Variants in KCTD19 observed in about 807,000 individuals in gnomAD.
The protein encoded by KCTD19 is BTB/POZ domain-containing protein KCTD19.
In KCTD19, 67 loss-of-function variants were observed where a neutral mutation model predicts 103.5. The ratio of observed to expected loss-of-function variants is 0.65; its 90% CI spans 0.53 to 0.79. The LOEUF (loss-of-function observed/expected upper bound fraction) is 0.79, where lower values mean the gene tolerates loss of function less well. KCTD19 is among the 30% of genes least tolerant of loss of function. KCTD19 has a pLI of 0.00. For synonymous variants in KCTD19, 439 were observed against 452.2 expected (o/e 0.97, Z 0.37); for missense variants, 980 against 1,136.1 (o/e 0.86, Z 1.98).
intron 2 of KCTD19, among the ~76,000 whole-genome samples, chr16:67,316,720 T>C (rs2037016964): frequency 6.6e-6 from 1 of 152,190 alleles, no homozygotes; most frequent in South Asian, 2.1e-4. Context: ...AGCTACAGGG[T>C]TCACTCCTGT....
At chr16:67,312,999 C>A (rs2036964488) in intron 2 of KCTD19, among the ~76,000 whole-genome samples, 1 of 152,180 alleles carries the variant, frequency 6.6e-6, no homozygotes, top group African/African-American at 2.4e-5. Context: ...TGGTCTCTGT[C>A]AACTCAACCA....
In KCTD19 at chr16:67,291,422, A is replaced by G. The variant is rs772010225; in HGVS notation, c.2452T>C (p.Phe818Leu). The G allele has an allele frequency of 6.2e-7, 1 of 1,614,188 alleles. No individual in the cohort carries two copies. Among genetic ancestry groups the G allele is most frequent in the South Asian group, 1.1e-5 (1 of 91,090 alleles). The change falls in exon 14 of 16, where the codon TTT becomes CTT. Residue 818 changes from phenylalanine (F) to leucine (L), a missense_variant. Transcript: ENST00000304372. Reference protein sequence around the residue: ...LSFSLSWEEMFYAQKCHCFLA... With the variant: ...LSFSLSWEEMLYAQKCHCFLA... Reference sequence around the variant, plus strand: ...AAGCAGTGACATTTCTGTGCATAAAACATCTCTTCCCAGGACAGAGAGAAA... The same window carrying G: ...AAGCAGTGACATTTCTGTGCATAAAGCATCTCTTCCCAGGACAGAGAGAAA...
rs571668629 is a variant in KCTD19 at position 67,289,695 on chromosome 16, G to A, written c.2668-13C>T. The A allele has an allele frequency of 5.0e-6, 8 of 1,588,290 alleles. No individual in the cohort carries two copies. In the South Asian group the frequency reaches 8.8e-5, roughly 18 times the overall value. ...AGGGCAGTGTAAGCTGGAAGGAAAG[G>A]CCAGTCTTATCCCTGATTTCCTGGC... On this transcript the variant is annotated splice_polypyrimidine_tract_variant and intron_variant, in intron 15 of 15. Coordinates refer to ENST00000304372, the MANE Select transcript of KCTD19 (RefSeq NM_001100915.3).
At chr16:67,309,096 T>C (rs1597397384) in intron 2 of KCTD19, among the ~76,000 whole-genome samples, 1 of 133,464 alleles carries the variant, frequency 7.5e-6, no homozygotes, top group Middle Eastern at 4.5e-3. Flanking sequence ...GCCACTGCAC[T>C]CAAGCCTAGG....
chr16:67,326,391 C>T (rs975322931), intron 1 of KCTD19, among the ~76,000 whole-genome samples: 2 of 152,078 alleles, frequency 1.3e-5, no homozygotes, highest in African/African-American at 4.8e-5. Flanking sequence ...CCTTCACACA[C>T]ACCCTCGCCT....
intron 2 of KCTD19, among the ~76,000 whole-genome samples, chr16:67,312,800 C>T (rs946260231): frequency 1.3e-5 from 2 of 152,176 alleles, no homozygotes; most frequent in African/African-American, 4.8e-5. Context: ...AGAGTTTGAA[C>T]ACCTCTAACA....
At chr16:67,314,830 T>TATATAGAGAGAGAGAGAG (rs1430877802) in intron 2 of KCTD19, among the ~76,000 whole-genome samples, 1 of 33,652 alleles carries the variant, frequency 3.0e-5, no homozygotes, top group African/African-American at 2.1e-4. Flanking sequence ...TATATATATA[T>TATATAGAGAGAGAGAGAG]AGAGAGAGAG....
chr16:67,303,107 T>TGGGGGGGGGGGCGGGGG lies in KCTD19; in HGVS notation c.643+38_643+39insCCCCCGCCCCCCCCCCC. 1 of 897,596 alleles carries TGGGGGGGGGGGCGGGGG rather than the reference T, an allele frequency of 1.1e-6. No homozygotes were observed. 55.6% of individuals were successfully genotyped at this position (897,596 alleles called of 1,614,324 possible). A position where few individuals can be genotyped will look rare whatever the true frequency, so the allele number is the denominator to read the frequency against. Reference sequence around the variant, plus strand: ...GATGGGGAGGGGTGAATGGGCCCTATCAGCCCGCCCCCCACCCCACCCCGG... The same window carrying TGGGGGGGGGGGCGGGGG: ...GATGGGGAGGGGTGAATGGGCCCTATGGGGGGGGGGGCGGGGGCAGCCCGCCCCCCACCCCACCCCGG... On this transcript the variant is annotated intron_variant, in intron 4 of 15. Transcript: ENST00000304372. The surrounding 1 kb of genome is among the most constrained non-coding windows in gnomAD (Gnocchi z 4.3).
Position 67,301,921 on chromosome 16 carries a change from C to T in KCTD19, c.645G>A (p.Val215=). ...AAATCTTCTGTGAGCGAAGAAAATT[C>T]ACTTGAAAAACAAAGGGGAACACAG... ...ECECSEFRFI[V]NFLRSQKILL... is the part of the protein sequence containing the mutation. The change falls in exon 5 of 16, where the codon GTG becomes GTA. Residue 215 remains valine, a splice_region_variant and synonymous_variant. Transcript: ENST00000304372. 1 of 1,613,890 alleles carries T rather than the reference C, an allele frequency of 6.2e-7. No homozygotes were observed. Among genetic ancestry groups the T allele is most frequent in the Non-Finnish European group, 8.5e-7 (1 of 1,179,880 alleles).
intron 12 of KCTD19, among the ~76,000 whole-genome samples, chr16:67,292,989 A>G (rs766099875): frequency 6.6e-6 from 1 of 152,048 alleles, no homozygotes; most frequent in Non-Finnish European, 1.5e-5. Context: ...AAGAACTCCA[A>G]GTGGCTTCGA....
rs778875473 is a variant in KCTD19 at position 67,291,852 on chromosome 16, T to C, written c.2219-15A>G. 6.4e-7 allele frequency: 1 copy of C among 1,558,370 alleles called. No individual in the cohort carries two copies. Among genetic ancestry groups the C allele is most frequent in the South Asian group, 1.2e-5 (1 of 83,038 alleles). On this transcript the variant is annotated splice_polypyrimidine_tract_variant and intron_variant, in intron 12 of 15. Coordinates refer to ENST00000304372, the MANE Select transcript of KCTD19 (RefSeq NM_001100915.3). The stretch of plus-strand genomic sequence containing the variant: ...GGCAGGGCTTTCTGTGAAAACAACA[T>C]AGGGAGGGGGCTCTCCTTTTAAAAA...
Position 67,320,616 on chromosome 16 carries a change from C to T in KCTD19, c.273G>A (p.Leu91=). The stretch of plus-strand genomic sequence containing the variant: ...GCAGCAAAGGCATCAGCTGCAAACC[C>T]AATGCTTGCTCATACAGCAAGTTCA... ...AELNLLYEQA[L]GLQLMPLLQT... is the part of the protein sequence containing the mutation. Residue 91 remains leucine, a synonymous_variant, in exon 2 of 16, where the codon TTG becomes TTA. Coordinates refer to ENST00000304372, the MANE Select transcript of KCTD19 (RefSeq NM_001100915.3). The surrounding 1 kb of genome is among the most constrained non-coding windows in gnomAD (Gnocchi z 4.0). The T allele has an allele frequency of 6.2e-7, 1 of 1,614,138 alleles. No individual in the cohort carries two copies. Among genetic ancestry groups the T allele is most frequent in the Non-Finnish European group, 8.5e-7 (1 of 1,180,014 alleles).
chr16:67,311,702 A>G (rs774353451), intron 2 of KCTD19, among the ~76,000 whole-genome samples: 13 of 152,072 alleles, frequency 8.5e-5, no homozygotes, highest in Non-Finnish European at 1.9e-4. Context: ...GCTGAACTTC[A>G]AAGTGTGTGT....
rs190654124 is a variant in KCTD19 at position 67,293,448 on chromosome 16, G to C, written c.2218+96C>G. The C allele has an allele frequency of 2.1e-3, 2,839 of 1,379,250 alleles. 6 individuals carry two copies. The highest frequency in any genetic ancestry group is 2.5e-3 in the Non-Finnish European group (2,526 of 1,000,626). The allele number at this position is 1,379,250 out of a possible 1,614,324, so 85.4% of individuals were successfully genotyped here. ...TGGCATTGGTGAGCGGGGGGGTCTAGTCCTCCTTTGTCACTAACTTGCTCT... is the reference window on the plus strand; with the variant it reads ...TGGCATTGGTGAGCGGGGGGGTCTACTCCTCCTTTGTCACTAACTTGCTCT... On this transcript the variant is annotated intron_variant, in intron 12 of 15. Transcript: ENST00000304372. This position sits in a 1 kb window ranked among gnomAD's most constrained non-coding sequence, Gnocchi z 4.0.
chr16:67,295,686 C>T (rs1041740672), intron 8 of KCTD19: 2 of 362,382 alleles, frequency 5.5e-6, no homozygotes, highest in African/African-American at 4.1e-5. Flanking sequence ...AGAGCTGGCC[C>T]CCTCCCTATG....
rs2037067211 is a variant in KCTD19, at chr16:67,320,981, G to T, written c.4-96C>A. ...AAATAAACTATCTCTGTTTGCTGAT[G>T]ACATGATCTTGTATATAAAAAATCC... On this transcript the variant is annotated intron_variant, in intron 1 of 15. Transcript: ENST00000304372. This position sits in a 1 kb window ranked among gnomAD's most constrained non-coding sequence, Gnocchi z 4.0. The T allele has an allele frequency of 9.3e-7, 1 of 1,072,514 alleles. No homozygotes were observed. Among genetic ancestry groups the T allele is most frequent in the Non-Finnish European group, 1.3e-6 (1 of 754,802 alleles). 66.4% of individuals were successfully genotyped at this position (1,072,514 alleles called of 1,614,324 possible).
intron 2 of KCTD19, among the ~76,000 whole-genome samples, chr16:67,319,822 T>G (rs1442689106): frequency 6.6e-6 from 1 of 152,020 alleles, no homozygotes; most frequent in African/African-American, 2.4e-5. Context: ...CTTTTTGCTT[T>G]GGTGTAAATG....
chr16:67,290,775 CT>C (rs1225860842), intron 15 of KCTD19, 109 bp downstream of exon 15: 18 of 953,146 alleles, frequency 1.9e-5, no homozygotes, highest in Non-Finnish European at 2.6e-5. Flanking sequence ...CCTAAGCTGC[CT>C]GTCTAGCCTT....
At position 67,292,752 on chromosome 16, in the gene KCTD19, G is replaced by C. The variant is rs144487592; in HGVS notation, c.2218+792C>G. Among the ~76,000 whole-genome samples the C allele has an allele frequency of 3.3e-5, 5 of 152,306 alleles. No individual in the cohort carries two copies. In the East Asian group the frequency reaches 9.6e-4, roughly 29 times the overall value. On this transcript the variant is annotated intron_variant, in intron 12 of 15. Coordinates refer to ENST00000304372, the MANE Select transcript of KCTD19 (RefSeq NM_001100915.3). The stretch of plus-strand genomic sequence containing the variant: ...GCTGGCTACACAAGCTCTCTCTCCA[G>C]TTCAGTCCCTGTAGCCCCTGCTGTC...
Sources: allele counts gnomAD v4.1 joint callset (sites outside exome capture counted in the v4.1 genomes callset), GRCh38; gene constraint gnomAD v4.1.1; non-coding constraint Gnocchi (gnomAD v3.1); transcripts MANE v1.5; gene names NCBI Gene and HGNC (gene_info 2026-07-23, HGNC 2026-07-21).